Variants in NDUFAF6 observed in about 807,000 individuals in gnomAD.
NDUFAF6 encodes NADH:ubiquinone oxidoreductase complex assembly factor 6.
In NDUFAF6, 45 loss-of-function variants were observed where a neutral mutation model predicts 40.8. That is an observed-to-expected ratio of 1.10 (90% CI 0.87 to 1.42). The LOEUF (loss-of-function observed/expected upper bound fraction) is 1.42, where lower values mean the gene tolerates loss of function less well. Ranked by LOEUF, NDUFAF6 falls within the 40% of genes most tolerant of loss-of-function variation. The pLI, the probability that NDUFAF6 is intolerant of heterozygous loss-of-function variation, is 0.00. For missense variants in NDUFAF6, 435 were observed against 418.5 expected, an observed-to-expected ratio of 1.04 and a Z score of -0.34; for synonymous variants, 185 against 155.9, an observed-to-expected ratio of 1.19 and a Z score of -1.39.
chr8:95,075,252 A>G (rs185924386), intron 9 of NDUFAF6, among the ~76,000 whole-genome samples: 1 of 152,374 alleles, frequency 6.6e-6, no homozygotes, highest in African/African-American at 2.4e-5. Flanking sequence ...GACGTGACAA[A>G]TGACTTTCAG....
At chr8:94,956,752 T>C (rs960812609), upstream of NDUFAF6, among the ~76,000 whole-genome samples, 1 of 152,066 alleles carries the variant, frequency 6.6e-6, no homozygotes, top group Non-Finnish European at 1.5e-5. Flanking sequence ...AATGAATGAC[T>C]GAGATGAAGA....
intron 1 of NDUFAF6, chr8:94,939,652 C>G: frequency 4.6e-6 from 3 of 654,068 alleles, no homozygotes; most frequent in Non-Finnish European, 7.6e-6. Flanking sequence ...CCTGCCTTGG[C>G]CTCCCAAAGT....
At chr8:95,086,892 C>G (rs1587257814) in intron 2 of NDUFAF6, among the ~76,000 whole-genome samples, 1 of 152,038 alleles carries the variant, frequency 6.6e-6, no homozygotes, top group Non-Finnish European at 1.5e-5. Flanking sequence ...CGTGAGCCAC[C>G]GCGCCCCGGC....
intron 1 of NDUFAF6, chr8:94,932,034 A>C: frequency 6.3e-7 from 1 of 1,595,894 alleles, no homozygotes; most frequent in Non-Finnish European, 8.5e-7. Context: ...CCCTATGCAT[A>C]CATATATCAC....
At chr8:95,094,973 C>T (rs1809406095) in intron 2 of NDUFAF6, among the ~76,000 whole-genome samples, 1 of 151,416 alleles carries the variant, frequency 6.6e-6, no homozygotes, top group Non-Finnish European at 1.5e-5. Context: ...CACTGTGTTG[C>T]CCAGGTTGGT....
At chr8:94,903,245 AG>A (rs1402165975) in intron 1 of NDUFAF6, among the ~76,000 whole-genome samples, 4 of 152,082 alleles carry the variant, frequency 2.6e-5, no homozygotes, top group Non-Finnish European at 5.9e-5. Flanking sequence ...CTGTGGCCCT[AG>A]CTACTCAGGA....
At chr8:94,910,621 T>C (rs952793175) in intron 1 of NDUFAF6, among the ~76,000 whole-genome samples, 11 of 152,208 alleles carry the variant, frequency 7.2e-5, no homozygotes, top group African/African-American at 2.7e-4. Context: ...ACTAGGACTG[T>C]CGGGAAGATG....
chr8:95,083,563 A>G (rs994053378), intron 2 of NDUFAF6, among the ~76,000 whole-genome samples: 8 of 152,252 alleles, frequency 5.3e-5, no homozygotes, highest in Non-Finnish European at 1.2e-4. Context: ...CCTTTCTCAG[A>G]TAATGACTTT....
intron 2 of NDUFAF6, among the ~76,000 whole-genome samples, chr8:95,003,840 G>A (rs113102906): frequency 0.015 from 2,273 of 152,260 alleles, 69 homozygotes; most frequent in Middle Eastern, 0.051. Flanking sequence ...CATTTTAAGT[G>A]TGCAATTCAC....
chr8:95,005,552 TAAAAA>T (rs869215515), intron 2 of NDUFAF6, among the ~76,000 whole-genome samples: 3 of 112,162 alleles, frequency 2.7e-5, no homozygotes, highest in African/African-American at 6.3e-5. Flanking sequence ...TATATATATA[TAAAAA>T]ATATATTAAC....
At chr8:94,913,439 G>T (rs1299648336) in intron 1 of NDUFAF6, among the ~76,000 whole-genome samples, 1 of 152,032 alleles carries the variant, frequency 6.6e-6, no homozygotes, top group African/African-American at 2.4e-5. Flanking sequence ...AGTGATTATT[G>T]TTCCACCCAT....
intron 1 of NDUFAF6, among the ~76,000 whole-genome samples, chr8:94,919,062 A>G (rs759481897): frequency 9.2e-5 from 14 of 152,232 alleles, no homozygotes; most frequent in East Asian, 3.8e-4. Context: ...TTTTAGGACT[A>G]TCTTTTGAAA....
intron 1 of NDUFAF6, among the ~76,000 whole-genome samples, chr8:94,977,107 C>T (rs1013458035): frequency 7.0e-6 from 1 of 143,588 alleles, no homozygotes; most frequent in Admixed American, 7.2e-5. Context: ...CCACTGCACT[C>T]TAGCCTGGGT....
intron 3 of NDUFAF6, chr8:95,040,682 T>C (rs1382403954): frequency 6.6e-6 from 1 of 152,262 alleles, no homozygotes; most frequent in Non-Finnish European, 1.5e-5. Flanking sequence ...TATAATTCAC[T>C]CATGTACTGA....
chr8:94,981,767 T>G (rs1453305045), intron 2 of NDUFAF6, among the ~76,000 whole-genome samples: 1 of 152,138 alleles, frequency 6.6e-6, no homozygotes, highest in Non-Finnish European at 1.5e-5. Flanking sequence ...ATATTCTGAT[T>G]CCTGACCTCA....
chr8:94,920,953 C>T (rs1307120034), intron 1 of NDUFAF6, among the ~76,000 whole-genome samples: 2 of 135,474 alleles, frequency 1.5e-5, no homozygotes, highest in Non-Finnish European at 3.2e-5. Context: ...GCTCTGGGAT[C>T]ACCTTGCTTA....
chr8:95,058,647 A>G lies in NDUFAF6; in HGVS notation c.*710A>G. The stretch of plus-strand genomic sequence containing the variant: ...GATCGTGAACAAAATTGTACTGAGA[A>G]AGTTTGTATAAGTGATATGAACGGT... On this transcript the variant is annotated 3_prime_UTR_variant, in exon 9 of 9. Coordinates refer to ENST00000396124, the MANE Select transcript of NDUFAF6 (RefSeq NM_152416.4). 1 of 1,086,274 alleles carries G rather than the reference A, an allele frequency of 9.2e-7. No individual in the cohort carries two copies. Among genetic ancestry groups the G allele is most frequent in the Non-Finnish European group, 1.1e-6 (1 of 896,582 alleles). The allele number at this position is 1,086,274 out of a possible 1,614,324, so 67.3% of individuals were successfully genotyped here.
intron 1 of NDUFAF6, among the ~76,000 whole-genome samples, chr8:94,932,617 A>T (rs1451518353): frequency 6.6e-6 from 1 of 151,926 alleles, no homozygotes; most frequent in Non-Finnish European, 1.5e-5. Flanking sequence ...TCCTGGCTAA[A>T]ACAGTGAAAC....
intron 2 of NDUFAF6, among the ~76,000 whole-genome samples, chr8:95,093,907 T>G (rs1004213941): frequency 6.6e-6 from 1 of 152,192 alleles, no homozygotes. Flanking sequence ...CTTAATTAGC[T>G]ACCTTCTTTT....
Sources: allele counts gnomAD v4.1 joint callset (sites outside exome capture counted in the v4.1 genomes callset), GRCh38; gene constraint gnomAD v4.1.1; transcripts MANE v1.5; gene names NCBI Gene and HGNC (gene_info 2026-07-23, HGNC 2026-07-21).